Variants in ZNF462 observed in about 807,000 individuals in gnomAD.
ZNF462 encodes zinc finger protein 462.
In ZNF462, 10 loss-of-function variants were observed where a neutral mutation model predicts 201.9. That is an observed-to-expected ratio of 0.05 (90% CI 0.03 to 0.08). The LOEUF is 0.08. Ranked by LOEUF, ZNF462 falls within the 10% of genes least tolerant of loss-of-function variation. The pLI, the probability that ZNF462 is intolerant of heterozygous loss-of-function variation, is 1.00. For missense variants in ZNF462, 2,523 were observed against 3,168.3 expected (o/e 0.80, Z 4.89); for synonymous variants, 1,227 against 1,193.3 (o/e 1.03, Z -0.58).
At chr9:106,995,220 T>C (rs1828613987) in intron 10 of ZNF462, among the ~76,000 whole-genome samples, 1 of 152,126 alleles carries the variant, frequency 6.6e-6, no homozygotes. Context: ...GTCTGGACTT[T>C]TGCTAAGTTA....
rs1192077971 is a variant in ZNF462 at position 106,890,278 on chromosome 9, T to TTG, written c.-31+26932_-31+26933dup. Reference sequence around the variant, plus strand: ...TTGTCAGCCTATGTTCCACAATCATTTGTGTGTGTGGACCTCAAGAATTTC... The same window carrying TTG: ...TTGTCAGCCTATGTTCCACAATCATTTGTGTGTGTGTGGACCTCAAGAATTTC... On this transcript the variant is annotated intron_variant, in intron 1 of 12. Transcript: ENST00000277225. This position sits in a 1 kb window ranked among gnomAD's most constrained non-coding sequence, Gnocchi z 4.2. 6.6e-6 allele frequency among the ~76,000 whole-genome samples: 1 copy of TTG among 152,194 alleles called. No homozygotes were observed. The highest frequency in any genetic ancestry group is 6.5e-5 in the Admixed American group (1 of 15,278).
chr9:106,901,947 C>G (rs1432134638), intron 1 of ZNF462, among the ~76,000 whole-genome samples: 1 of 152,128 alleles, frequency 6.6e-6, no homozygotes, highest in African/African-American at 2.4e-5. Flanking sequence ...CTAGAACTTT[C>G]AACACTGTGT....
chr9:106,940,129 T>G (rs1830805453), intron 7 of ZNF462, among the ~76,000 whole-genome samples: 1 of 152,212 alleles, frequency 6.6e-6, no homozygotes, highest in Admixed American at 6.5e-5. Context: ...CACGTTTCCC[T>G]GGGCAATCTT....
rs1828280186 is a variant in ZNF462, at chr9:106,885,545, C to T, written c.-31+22190C>T. ...GGAGTTGGACACTACCTACTAGGTT[C>T]CTAATGCTTACCCAAGTTAAGAGGT... On this transcript the variant is annotated intron_variant, in intron 1 of 12. Transcript: ENST00000277225. The surrounding 1 kb of genome is among the most constrained non-coding windows in gnomAD (Gnocchi z 4.1). 6.6e-6 allele frequency among the ~76,000 whole-genome samples: 1 copy of T among 152,234 alleles called. No homozygotes were observed. Among genetic ancestry groups the T allele is most frequent in the Admixed American group, 6.5e-5 (1 of 15,282 alleles).
chr9:106,965,272 G>A (rs1336374441), intron 7 of ZNF462, among the ~76,000 whole-genome samples: 1 of 152,200 alleles, frequency 6.6e-6, no homozygotes, highest in East Asian at 1.9e-4. Context: ...CTAGCTGGAA[G>A]TGAGGCTGGA....
intron 10 of ZNF462, among the ~76,000 whole-genome samples, chr9:106,996,268 A>G (rs573369785): frequency 6.6e-6 from 1 of 151,678 alleles, no homozygotes; most frequent in African/African-American, 2.4e-5. Context: ...TAGTGCCACA[A>G]TAAACATACG....
chr9:106,888,276 C>T (rs1564078029), intron 1 of ZNF462, among the ~76,000 whole-genome samples: 1 of 152,074 alleles, frequency 6.6e-6, no homozygotes, highest in Non-Finnish European at 1.5e-5. Flanking sequence ...CTCCTGACCT[C>T]GTGATCCGCC....
intron 5 of ZNF462, among the ~76,000 whole-genome samples, chr9:106,934,929 T>C (rs1318209802): frequency 6.6e-6 from 1 of 152,166 alleles, no homozygotes; most frequent in African/African-American, 2.4e-5. Context: ...CCTTTAAACA[T>C]GCATGCACTG....
rs551527500 is a variant in ZNF462, at chr9:106,908,081, A to G, written c.-30-15273A>G. Among the ~76,000 whole-genome samples, 33 of 152,068 alleles carry G rather than the reference A, an allele frequency of 2.2e-4. No homozygotes were observed. In the South Asian group the frequency reaches 6.4e-3, roughly 30 times the overall value. Reference sequence around the variant, plus strand: ...TTGTGTACTATTTTTTAAATTTGTAATGTATTATCTCTTAATTGTGGCATT... The same window carrying G: ...TTGTGTACTATTTTTTAAATTTGTAGTGTATTATCTCTTAATTGTGGCATT... On this transcript the variant is annotated intron_variant, in intron 1 of 12. Coordinates refer to ENST00000277225, the MANE Select transcript of ZNF462 (RefSeq NM_021224.6).
rs1290811330 is a variant in ZNF462 at position 106,926,269 on chromosome 9, G to A, written c.2357G>A (p.Gly786Glu). ...ACCCACGATTACAATGCCACCAATG[G>A]GGCTGAGATTGAGCTCACCCTTTCT... is the stretch of plus-strand genomic sequence containing the variant. Reference protein sequence around the residue: ...NITHDYNATNGAEIELTLSED... With the variant: ...NITHDYNATNEAEIELTLSED... The change falls in exon 3 of 13, where the codon GGG (glycine) becomes GAG (glutamate). Residue 786 changes from glycine to glutamate, a missense_variant. By Grantham distance (98) the Gly-to-Glu change is moderately conservative. Around this residue, in one of 15 missense-constraint regions of ZNF462, gnomAD observed 383 missense variants for 453.4 expected, o/e 0.84. Coordinates refer to ENST00000277225, the MANE Select transcript of ZNF462 (RefSeq NM_021224.6). This position sits in a 1 kb window ranked among gnomAD's most constrained non-coding sequence, Gnocchi z 7.9. The A allele has an allele frequency of 2.5e-6, 4 of 1,613,994 alleles. No homozygotes were observed. The African/African-American group carries it at 5.3e-5, about 22-fold the overall frequency.
At position 106,870,301 on chromosome 9, in the gene ZNF462, GT is replaced by G. The variant is rs1189232193; in HGVS notation, c.-31+6954del. Among the ~76,000 whole-genome samples, 1 of 151,780 alleles carries G rather than the reference GT, an allele frequency of 6.6e-6. No homozygotes were observed. Among genetic ancestry groups the G allele is most frequent in the Non-Finnish European group, 1.5e-5 (1 of 67,956 alleles). Reference sequence around the variant, plus strand: ...TTCTTGAGTTATTCTTGGAGGGAAGGTTTTTTTTGTGTGCCAGGTCATGGGT... The same window carrying G: ...TTCTTGAGTTATTCTTGGAGGGAAGGTTTTTTTGTGTGCCAGGTCATGGGT... On this transcript the variant is annotated intron_variant, in intron 1 of 12. Transcript: ENST00000277225. This position sits in a 1 kb window ranked among gnomAD's most constrained non-coding sequence, Gnocchi z 4.3.
chr9:106,918,468 G>A (rs1564097233), intron 1 of ZNF462, among the ~76,000 whole-genome samples: 1 of 152,094 alleles, frequency 6.6e-6, no homozygotes, highest in East Asian at 1.9e-4. Context: ...AACTTTTCAG[G>A]TCATTACTCT....
Position 106,984,648 on chromosome 9 carries a change from G to A in ZNF462, c.7056+239G>A, listed in dbSNP as rs998972571. ...ATTCTACCACACTAGTCCAAATGCTGAACATTTCTGGTCTGTTCTCTAGAC... is the reference window on the plus strand; with the variant it reads ...ATTCTACCACACTAGTCCAAATGCTAAACATTTCTGGTCTGTTCTCTAGAC... On this transcript the variant is annotated intron_variant, in intron 10 of 12. Transcript: ENST00000277225. The surrounding 1 kb of genome is among the most constrained non-coding windows in gnomAD (Gnocchi z 6.4). Among the ~76,000 whole-genome samples the A allele has an allele frequency of 1.3e-5, 2 of 152,146 alleles. No individual in the cohort carries two copies. Among genetic ancestry groups the A allele is most frequent in the African/African-American group, 4.8e-5 (2 of 41,442 alleles).
In ZNF462 at chr9:106,894,725, A is replaced by G. The variant is rs146228853; in HGVS notation, c.-30-28629A>G. ...ACTTGAAACAGTGAAACAGCCCTTG[A>G]AACAGTGCCTGATCCAAATGGATAT... is the stretch of plus-strand genomic sequence containing the variant. On this transcript the variant is annotated intron_variant, in intron 1 of 12. Coordinates refer to ENST00000277225, the MANE Select transcript of ZNF462 (RefSeq NM_021224.6). 8.0e-3 allele frequency among the ~76,000 whole-genome samples: 1,223 copies of G among 152,340 alleles called. 14 individuals carry two copies. Among genetic ancestry groups the G allele is most frequent in the Non-Finnish European group, 7.9e-3 (536 of 68,034 alleles).
intron 10 of ZNF462, among the ~76,000 whole-genome samples, chr9:106,989,542 G>A (rs568908777): frequency 6.6e-6 from 1 of 152,168 alleles, no homozygotes; most frequent in Admixed American, 6.5e-5. Flanking sequence ...TTAGGGTGAT[G>A]CTGGCTTCCC....
chr9:106,953,123 GA>G (rs1221493867), intron 7 of ZNF462, among the ~76,000 whole-genome samples: 6 of 152,144 alleles, frequency 3.9e-5, no homozygotes, highest in African/African-American at 1.4e-4. Flanking sequence ...CTCTTGGAAG[GA>G]AAAAACCAAT....
chr9:106,865,437 A>G lies in ZNF462; in HGVS notation c.-31+2082A>G, dbSNP rs949940830. ...TATCATCATGTTTTGATGCATTGCA[A>G]GACTTTATTGTCTGATTTGAGTTGA... On this transcript the variant is annotated intron_variant, in intron 1 of 12. Coordinates refer to ENST00000277225, the MANE Select transcript of ZNF462 (RefSeq NM_021224.6). This position sits in a 1 kb window ranked among gnomAD's most constrained non-coding sequence, Gnocchi z 4.1. 2.0e-5 allele frequency among the ~76,000 whole-genome samples: 3 copies of G among 152,202 alleles called. No homozygotes were observed. The highest frequency in any genetic ancestry group is 7.2e-5 in the African/African-American group (3 of 41,452).
chr9:106,916,598 T>C (rs953846779), intron 1 of ZNF462, among the ~76,000 whole-genome samples: 1 of 152,168 alleles, frequency 6.6e-6, no homozygotes, highest in African/African-American at 2.4e-5. Flanking sequence ...TATCTGTTGT[T>C]CTAAGTACAA....
At position 106,902,007 on chromosome 9, in the gene ZNF462, A is replaced by C. The variant is rs1401380305; in HGVS notation, c.-30-21347A>C. ...ATCCTTGTCTTGTTCCAGTTCTCAG[A>C]GGGAGAGCTTTCAACTTTCCCCATT... On this transcript the variant is annotated intron_variant, in intron 1 of 12. Coordinates refer to ENST00000277225, the MANE Select transcript of ZNF462 (RefSeq NM_021224.6). The surrounding 1 kb of genome is among the most constrained non-coding windows in gnomAD (Gnocchi z 4.2). 6.6e-6 allele frequency among the ~76,000 whole-genome samples: 1 copy of C among 152,086 alleles called. No homozygotes were observed. The highest frequency in any genetic ancestry group is 1.9e-4 in the East Asian group (1 of 5,184).
Sources: gnomAD v4.1 joint callset for allele counts (sites outside exome capture counted in the v4.1 genomes callset) on GRCh38, gnomAD v4.1.1 for gene constraint, gnomAD v4.1.1 regional missense constraint, Gnocchi (gnomAD v3.1) non-coding constraint, MANE v1.5 for transcripts, NCBI Gene and HGNC (gene_info 2026-07-23, HGNC 2026-07-21) for gene names.